The following ZFHX3 variants were observed in gnomAD, a reference collection of about 807,000 sequenced individuals.
ZFHX3 encodes the protein zinc finger homeobox protein 3.
In ZFHX3, 42 loss-of-function variants were observed where a neutral mutation model predicts 279.1. The ratio of observed to expected loss-of-function variants is 0.15; its 90% CI spans 0.12 to 0.19. ZFHX3 has a LOEUF of 0.19. Among genes scored for constraint, ZFHX3 ranks in the 10% least tolerant of loss-of-function variants. The pLI is 1.00. For synonymous variants in ZFHX3, 2,293 were observed against 1,957.8 expected, an observed-to-expected ratio of 1.17 and a Z score of -4.52; for missense variants, 4,981 against 4,754.0, an observed-to-expected ratio of 1.05 and a Z score of -1.40.
chr16:73,829,551 C>G (rs1473244024), intron 1 of ZFHX3, among the ~76,000 whole-genome samples: 2 of 61,736 alleles, frequency 3.2e-5, no homozygotes, highest in Non-Finnish European at 5.7e-5. Context: ...TACTTTTGGT[C>G]TTTGATGATG....
intron 1 of ZFHX3, among the ~76,000 whole-genome samples, chr16:73,757,275 G>A (rs930608519): frequency 6.6e-5 from 10 of 152,110 alleles, no homozygotes; most frequent in Admixed American, 5.2e-4. Flanking sequence ...GGGGTCCCTC[G>A]TGTCTGTGAG....
rs566938540 is a variant in ZFHX3 at position 73,138,713 on chromosome 16, G to T, written c.-1024+5039C>A. Among the ~76,000 whole-genome samples, 372 of 151,992 alleles carry T rather than the reference G, an allele frequency of 2.4e-3. 2 individuals carry two copies. Among genetic ancestry groups the T allele is most frequent in the African/African-American group, 8.4e-3 (346 of 41,426 alleles). On this transcript the variant is annotated intron_variant, in intron 6 of 17. Transcript: ENST00000641206. Reference sequence around the variant, plus strand: ...AGATAGGGTCTCACTTTTGAGATAGGGTCTCACTCTGTCACCCAGGCTGGA... The same window carrying T: ...AGATAGGGTCTCACTTTTGAGATAGTGTCTCACTCTGTCACCCAGGCTGGA...
At chr16:73,376,778 C>G (rs1250146249) in intron 3 of ZFHX3, among the ~76,000 whole-genome samples, 1 of 152,166 alleles carries the variant, frequency 6.6e-6, no homozygotes, top group Non-Finnish European at 1.5e-5. Context: ...ACCTTACATT[C>G]AATGTCCTGC....
intron 1 of ZFHX3, among the ~76,000 whole-genome samples, chr16:73,844,458 C>T (rs1961392170): frequency 6.6e-6 from 1 of 152,150 alleles, no homozygotes; most frequent in Non-Finnish European, 1.5e-5. Context: ...AAGGCCAATA[C>T]TATGGAGACT....
At chr16:73,855,228 T>C (rs1292132017) in intron 1 of ZFHX3, among the ~76,000 whole-genome samples, 5 of 150,088 alleles carry the variant, frequency 3.3e-5, no homozygotes, top group Non-Finnish European at 7.4e-5. Flanking sequence ...TTTTTTTTTT[T>C]TTTTTTTTTT....
At chr16:73,619,221 G>A (rs1015542050) in intron 2 of ZFHX3, among the ~76,000 whole-genome samples, 4 of 152,080 alleles carry the variant, frequency 2.6e-5, no homozygotes, top group Non-Finnish European at 5.9e-5. Context: ...GGGTGCGGTG[G>A]CTCATGCCTG....
At chr16:73,041,408 G>A (rs1013416204) in intron 1 of ZFHX3, among the ~76,000 whole-genome samples, 1 of 151,922 alleles carries the variant, frequency 6.6e-6, no homozygotes, top group African/African-American at 2.4e-5. Flanking sequence ...AAAAGGGTGT[G>A]CAGGGCTGAG....
At chr16:73,229,287 C>T (rs555836173) in intron 5 of ZFHX3, among the ~76,000 whole-genome samples, 11 of 152,272 alleles carry the variant, frequency 7.2e-5, no homozygotes, top group Admixed American at 5.9e-4. Context: ...TGACACTTTG[C>T]TTGACCCATT....
intron 2 of ZFHX3, among the ~76,000 whole-genome samples, chr16:73,488,528 G>A (rs1456492734): frequency 7.2e-5 from 11 of 152,170 alleles, no homozygotes; most frequent in Non-Finnish European, 1.5e-4. Flanking sequence ...GGAAACAACT[G>A]GCAGATCTCA....
At chr16:72,857,731 T>A (rs1228214707) in intron 4 of ZFHX3, among the ~76,000 whole-genome samples, 1 of 152,138 alleles carries the variant, frequency 6.6e-6, no homozygotes, top group African/African-American at 2.4e-5. Context: ...CAAAACAAAC[T>A]TAATTCCAAG....
intron 1 of ZFHX3, among the ~76,000 whole-genome samples, chr16:73,752,772 T>C (rs2053772801): frequency 6.6e-6 from 1 of 152,178 alleles, no homozygotes; most frequent in Admixed American, 6.5e-5. Flanking sequence ...GGGAAATGAA[T>C]ACCAGGAGGG....
At position 73,637,077 on chromosome 16, in the gene ZFHX3, T is replaced by C. The variant is rs556625071; in HGVS notation, c.-1547+43103A>G. Among the ~76,000 whole-genome samples the C allele has an allele frequency of 2.6e-5, 4 of 152,046 alleles. No homozygotes were observed. In the South Asian group the frequency reaches 8.3e-4, roughly 32 times the overall value. On this transcript the variant is annotated intron_variant, in intron 2 of 17. Coordinates refer to the ZFHX3 transcript ENST00000641206. ...AAATAAGCAGATCAACAGAAAAAAA[T>C]ATGTAAAAATATACTTGAATATATA... is the stretch of plus-strand genomic sequence containing the variant.
chr16:72,813,573 A>G (rs968919034), intron 5 of ZFHX3, among the ~76,000 whole-genome samples: 1 of 152,240 alleles, frequency 6.6e-6, no homozygotes, highest in Non-Finnish European at 1.5e-5. Context: ...CCTGGTCTAC[A>G]TAAGTTTGTA....
intron 1 of ZFHX3, among the ~76,000 whole-genome samples, chr16:73,017,251 C>CA (rs1964135317): frequency 6.8e-6 from 1 of 147,244 alleles, no homozygotes; most frequent in African/African-American, 2.5e-5. Context: ...AAAAAAAAGG[C>CA]AAAAAGATAT....
intron 2 of ZFHX3, among the ~76,000 whole-genome samples, chr16:73,581,601 T>C (rs1035575803): frequency 6.6e-6 from 1 of 151,054 alleles, no homozygotes; most frequent in African/African-American, 2.4e-5. Context: ...GAATTGTAAA[T>C]GGCTAACATT....
At chr16:73,065,927 C>T (rs1965745956) in intron 8 of ZFHX3, among the ~76,000 whole-genome samples, 1 of 152,270 alleles carries the variant, frequency 6.6e-6, no homozygotes, top group Non-Finnish European at 1.5e-5. Flanking sequence ...ATCCGATCTT[C>T]CCGTGCGCTC....
At chr16:73,385,705 G>A (rs1380435583) in intron 3 of ZFHX3, among the ~76,000 whole-genome samples, 1 of 152,200 alleles carries the variant, frequency 6.6e-6, no homozygotes, top group African/African-American at 2.4e-5. Context: ...TGGAGGACCA[G>A]CCTAATGCCA....
At chr16:73,393,879 AT>A (rs1169569301) in intron 3 of ZFHX3, among the ~76,000 whole-genome samples, 1 of 148,694 alleles carries the variant, frequency 6.7e-6, no homozygotes, top group African/African-American at 2.4e-5. Flanking sequence ...ATATATATAT[AT>A]ATCTCATGTA....
chr16:73,171,206 T>C (rs1296046433), intron 5 of ZFHX3, among the ~76,000 whole-genome samples: 1 of 151,848 alleles, frequency 6.6e-6, no homozygotes, highest in African/African-American at 2.4e-5. Flanking sequence ...CTAGATAGAG[T>C]AGCCATATAA....
Sources: allele counts gnomAD v4.1 joint callset (sites outside exome capture counted in the v4.1 genomes callset), GRCh38; gene constraint gnomAD v4.1.1; transcripts MANE v1.5; gene names NCBI Gene and HGNC (gene_info 2026-07-23, HGNC 2026-07-21).